GRAMD4: variants seen among roughly 807,000 people sequenced by gnomAD.
The protein encoded by GRAMD4 is GRAM domain containing 4, also known as GRAM domain-containing protein 4.
GRAMD4 carries 25 observed loss-of-function variants against 83.9 expected under a neutral mutation model. That is an observed-to-expected ratio of 0.30 (90% CI 0.22 to 0.42). The LOEUF is 0.42. Ranked by LOEUF, GRAMD4 falls within the 10% of genes least tolerant of loss-of-function variation. The pLI is 1.00. For synonymous variants in GRAMD4, 336 were observed against 320.9 expected (o/e 1.05, Z -0.50); for missense variants, 593 against 788.7 (o/e 0.75, Z 2.97).
chr22:46,676,998 T>C (rs2082608798), intron 18 of GRAMD4, 149 bp from the exon 19 acceptor site: 2 of 866,326 alleles, frequency 2.3e-6, no homozygotes, highest in African/African-American at 1.7e-5. Flanking sequence ...GGAGCCTGGC[T>C]CCGGGTGGTG....
intron 3 of GRAMD4, among the ~76,000 whole-genome samples, chr22:46,653,812 A>G (rs1289969986): frequency 1.3e-5 from 2 of 152,190 alleles, no homozygotes; most frequent in African/African-American, 4.8e-5. Flanking sequence ...AACCTGGGAA[A>G]GTACCTGAGC....
upstream of GRAMD4, among the ~76,000 whole-genome samples, chr22:46,619,417 G>A (rs1393934499): frequency 6.6e-6 from 1 of 152,132 alleles, no homozygotes; most frequent in African/African-American, 2.4e-5. Context: ...GTTCACCGCA[G>A]CCTCAAACTC....
intron 1 of GRAMD4, among the ~76,000 whole-genome samples, chr22:46,613,511 G>A (rs1296807865): frequency 1.3e-5 from 2 of 152,264 alleles, no homozygotes; most frequent in East Asian, 1.9e-4. Context: ...TGTCGCTGTG[G>A]TATGTGGTGG....
chr22:46,626,270 C>T (rs182403986), intron 1 of GRAMD4, among the ~76,000 whole-genome samples: 9 of 152,346 alleles, frequency 5.9e-5, no homozygotes, highest in Admixed American at 3.9e-4. Context: ...TGTATGTGGC[C>T]GTCGTGTTGA....
chr22:46,626,675 G>A (rs2081665548), intron 1 of GRAMD4, 76 bp from the exon 2 acceptor site: 2 of 895,982 alleles, frequency 2.2e-6, no homozygotes, highest in South Asian at 3.1e-5. Context: ...TGGACCGGCT[G>A]TGCCCTGTGT....
chr22:46,634,752 G>A (rs1450216631), intron 2 of GRAMD4, among the ~76,000 whole-genome samples: 2 of 152,106 alleles, frequency 1.3e-5, no homozygotes, highest in African/African-American at 4.8e-5. Flanking sequence ...ACCAGCCTGG[G>A]CAACATGGTG....
At chr22:46,652,736 C>CG (rs2082184692) in intron 3 of GRAMD4, among the ~76,000 whole-genome samples, 1 of 152,176 alleles carries the variant, frequency 6.6e-6, no homozygotes, top group African/African-American at 2.4e-5. Flanking sequence ...GGTGCCTGGA[C>CG]AGGGGCCGGG....
Position 46,642,877 on chromosome 22 carries a change from CCT to C in GRAMD4, c.283+4922_283+4923del, listed in dbSNP as rs538911379. Among the ~76,000 whole-genome samples, 514 of 152,122 alleles carry C rather than the reference CCT, an allele frequency of 3.4e-3. 1 individual carries two copies. The highest frequency in any genetic ancestry group is 0.012 in the African/African-American group (495 of 41,486). Reference sequence around the variant, plus strand: ...ATATTTTACCGCATTTGTCTGTCTGCCTCTCTTATCTATCTATCCATCCATCC... The same window carrying C: ...ATATTTTACCGCATTTGTCTGTCTGCCTCTTATCTATCTATCCATCCATCC... On this transcript the variant is annotated intron_variant, in intron 3 of 18. Coordinates refer to ENST00000406902, the MANE Select transcript of GRAMD4 (RefSeq NM_015124.5).
In GRAMD4 at chr22:46,631,074, G is replaced by C. The variant is rs549666966; in HGVS notation, c.162+4113G>C. ...AGACGGCAGTGCCGAGTGGCTGTAG[G>C]TTGCACGGCTTTTATTGTGCAGGAA... On this transcript the variant is annotated intron_variant, in intron 2 of 18. Coordinates refer to ENST00000406902, the MANE Select transcript of GRAMD4 (RefSeq NM_015124.5). Among the ~76,000 whole-genome samples, 24 of 152,396 alleles carry C rather than the reference G, an allele frequency of 1.6e-4. 1 individual carries two copies. In the South Asian group the frequency reaches 4.1e-3, roughly 26 times the overall value.
chr22:46,603,817 G>T (rs535238100), intron 1 of GRAMD4, among the ~76,000 whole-genome samples: 4 of 151,942 alleles, frequency 2.6e-5, no homozygotes, highest in Admixed American at 6.6e-5. Flanking sequence ...GCCCAGCCTC[G>T]GCCTCTTCTC....
rs56801793 is a variant in GRAMD4, at chr22:46,577,396, C to CCCG, written c.-50+124_-50+126dup. On this transcript the variant is annotated intron_variant, in intron 1 of 1. Coordinates refer to the GRAMD4 transcript ENST00000431155. ...ACCCAGCTCACTCGGCCGCGCTCTC[C>CCCG]CCGCCGCCGCCGCCGCCGCCCGGGC... is the stretch of plus-strand genomic sequence containing the variant. The CCCG allele has an allele frequency of 9.8e-3, 2,894 of 296,110 alleles. 47 individuals are homozygous for CCCG. Among genetic ancestry groups the CCCG allele is most frequent in the African/African-American group, 0.046 (1,961 of 42,582 alleles). 18.3% of individuals were successfully genotyped at this position (296,110 alleles called of 1,614,324 possible). A position where few individuals can be genotyped will look rare whatever the true frequency, so the allele number is the denominator to read the frequency against.
chr22:46,616,538 TC>T, upstream of GRAMD4, among the ~76,000 whole-genome samples: 1 of 139,528 alleles, frequency 7.2e-6, no homozygotes, highest in African/African-American at 2.8e-5. Flanking sequence ...TTGTGTAGGT[TC>T]CCCCGTGTGT....
intron 16 of GRAMD4, 75 bp downstream of exon 16, chr22:46,674,825 T>A: frequency 9.3e-7 from 1 of 1,073,398 alleles, no homozygotes; most frequent in Non-Finnish European, 1.4e-6. Context: ...TGGGATGGCG[T>A]GGCTGGCCCA....
chr22:46,652,858 A>T (rs539411449), intron 3 of GRAMD4, among the ~76,000 whole-genome samples: 22 of 152,290 alleles, frequency 1.4e-4, no homozygotes, highest in African/African-American at 4.3e-4. Flanking sequence ...AAAATTGATG[A>T]TGGGGGATTT....
upstream of GRAMD4, among the ~76,000 whole-genome samples, chr22:46,619,016 G>A (rs540037181): frequency 1.9e-4 from 29 of 152,352 alleles, no homozygotes; most frequent in East Asian, 2.1e-3. Flanking sequence ...CCAAACACCC[G>A]GATACGGACA....
chr22:46,678,435 CG>C lies in GRAMD4; in HGVS notation c.*1187del. The C allele has an allele frequency of 1.0e-6, 1 of 985,418 alleles. No homozygotes were observed. Among genetic ancestry groups the C allele is most frequent in the Non-Finnish European group, 1.2e-6 (1 of 829,932 alleles). The allele number at this position is 985,418 out of a possible 1,614,324, so 61.0% of individuals were successfully genotyped here. A position where few individuals can be genotyped will look rare whatever the true frequency, so the allele number is the denominator to read the frequency against. On this transcript the variant is annotated 3_prime_UTR_variant, in exon 19 of 19. Transcript: ENST00000406902. ...CTGCCCCAGGGAAGCCTGGGCTTCC[CG>C]GGAACAAGGTGGCATTTGTGGAGGG...
chr22:46,669,378 G>A (rs1241916508), intron 13 of GRAMD4, among the ~76,000 whole-genome samples: 1 of 152,198 alleles, frequency 6.6e-6, no homozygotes, highest in Non-Finnish European at 1.5e-5. Context: ...CAGAGCTGGC[G>A]GCGGGGAAGG....
At position 46,622,949 on chromosome 22, in the gene GRAMD4, A is replaced by G. The variant is rs1046860441; in HGVS notation, c.-50+2384A>G. ...AAAAAAAACTGATGAAATTGGTAATATTTATATTATGTGTGTTTTACCGTA... is the reference window on the plus strand; with the variant it reads ...AAAAAAAACTGATGAAATTGGTAATGTTTATATTATGTGTGTTTTACCGTA... On this transcript the variant is annotated intron_variant, in intron 1 of 18. Transcript: ENST00000406902. This position sits in a 1 kb window ranked among gnomAD's most constrained non-coding sequence, Gnocchi z 4.0. Among the ~76,000 whole-genome samples the G allele has an allele frequency of 5.3e-5, 8 of 151,306 alleles. No individual in the cohort carries two copies. The highest frequency in any genetic ancestry group is 1.9e-4 in the African/African-American group (8 of 41,176).
At chr22:46,607,874 C>T (rs1358094281) in intron 1 of GRAMD4, among the ~76,000 whole-genome samples, 1 of 152,154 alleles carries the variant, frequency 6.6e-6, no homozygotes, top group African/African-American at 2.4e-5. Context: ...TGCGACCTGT[C>T]CTTCATGCCC....
Sources: gnomAD v4.1 joint callset for allele counts (sites outside exome capture counted in the v4.1 genomes callset) on GRCh38, gnomAD v4.1.1 for gene constraint, Gnocchi (gnomAD v3.1) non-coding constraint, MANE v1.5 for transcripts, NCBI Gene and HGNC (gene_info 2026-07-23, HGNC 2026-07-21) for gene names.